The following NTRK2 variants were observed in gnomAD, a reference collection of about 807,000 sequenced individuals.
NTRK2 encodes the protein BDNF/NT-3 growth factors receptor.
NTRK2 carries 13 observed loss-of-function variants against 94.5 expected under a neutral mutation model. That is an observed-to-expected ratio of 0.14 (90% CI 0.09 to 0.22). The LOEUF (loss-of-function observed/expected upper bound fraction) is 0.22, where lower values mean the gene tolerates loss of function less well. NTRK2 is among the 10% of genes least tolerant of loss of function. NTRK2 has a pLI of 1.00. For missense variants in NTRK2, 639 were observed against 1,071.2 expected, an observed-to-expected ratio of 0.60 and a Z score of 5.63; for synonymous variants, 372 against 407.4, an observed-to-expected ratio of 0.91 and a Z score of 1.05.
chr9:84,820,015 C>A (rs1016224389), intron 12 of NTRK2, among the ~76,000 whole-genome samples: 1 of 152,094 alleles, frequency 6.6e-6, no homozygotes, highest in South Asian at 2.1e-4. Context: ...TCTTCCAACT[C>A]CAGTAAATAT....
Position 84,795,958 on chromosome 9 carries a change from C to CT in NTRK2, c.1396+43887dup, listed in dbSNP as rs970690802. ...TGTCACTTCAAAGCTGATTACTTTTCTTTTTTTTTTTTTTGGTAGTAGCTA... is the reference window on the plus strand; with the variant it reads ...TGTCACTTCAAAGCTGATTACTTTTCTTTTTTTTTTTTTTTGGTAGTAGCTA... On this transcript the variant is annotated intron_variant, in intron 12 of 18. Coordinates refer to ENST00000277120, the MANE Select transcript of NTRK2 (RefSeq NM_006180.6). Among the ~76,000 whole-genome samples, 1,194 of 140,332 alleles carry CT rather than the reference C, an allele frequency of 8.5e-3. 13 individuals are homozygous for CT. Among genetic ancestry groups the CT allele is most frequent in the Non-Finnish European group, 7.6e-3 (487 of 63,802 alleles). 92.1% of individuals were successfully genotyped at this position (140,332 alleles called of 152,430 possible). A position where few individuals can be genotyped will look rare whatever the true frequency, so the allele number is the denominator to read the frequency against.
At chr9:84,909,996 T>TC (rs1381957578) in intron 14 of NTRK2, among the ~76,000 whole-genome samples, 19 of 152,336 alleles carry the variant, frequency 1.2e-4, no homozygotes, top group African/African-American at 4.3e-4. Context: ...AGTCTAGGAA[T>TC]ACTGTGCTTG....
intron 17 of NTRK2, among the ~76,000 whole-genome samples, chr9:85,009,044 A>G (rs893915462): frequency 6.6e-6 from 1 of 152,218 alleles, no homozygotes; most frequent in Non-Finnish European, 1.5e-5. Flanking sequence ...CTAGTTGGCA[A>G]GTGGCTGATC....
chr9:84,881,038 G>A (rs552273294), intron 14 of NTRK2, among the ~76,000 whole-genome samples: 18 of 152,358 alleles, frequency 1.2e-4, no homozygotes, highest in Non-Finnish European at 2.6e-4. Flanking sequence ...CTTTGGGGTG[G>A]AGATGCAGCC....
chr9:84,949,658 G>T (rs934167075), intron 16 of NTRK2, among the ~76,000 whole-genome samples: 1 of 152,038 alleles, frequency 6.6e-6, no homozygotes, highest in Non-Finnish European at 1.5e-5. Flanking sequence ...TAAAGACAGG[G>T]TTTTGCCATG....
chr9:84,984,802 T>C (rs1370474432), intron 17 of NTRK2, among the ~76,000 whole-genome samples: 2 of 152,258 alleles, frequency 1.3e-5, no homozygotes, highest in Admixed American at 6.5e-5. Context: ...TTGCCGCTAA[T>C]GTACTGTGTT....
At chr9:84,877,503 C>T in intron 14 of NTRK2, 1 of 1,066,492 alleles carries the variant, frequency 9.4e-7, no homozygotes, top group Non-Finnish European at 1.1e-6. Context: ...GTGATTCTCT[C>T]TGTAAGCTCC....
intron 15 of NTRK2, among the ~76,000 whole-genome samples, chr9:84,940,384 A>G (rs2078366477): frequency 6.6e-6 from 1 of 151,936 alleles, no homozygotes; most frequent in Non-Finnish European, 1.5e-5. Context: ...ACATCAGGGA[A>G]TCTCCTTGGG....
At chr9:84,862,449 AT>A (rs765324443) in intron 13 of NTRK2, among the ~76,000 whole-genome samples, 2 of 151,988 alleles carry the variant, frequency 1.3e-5, no homozygotes, top group Non-Finnish European at 2.9e-5. Context: ...CCACTTAAAT[AT>A]TTTTCCAAGC....
chr9:84,754,028 C>CA (rs756900959), intron 12 of NTRK2, among the ~76,000 whole-genome samples: 8 of 152,268 alleles, frequency 5.3e-5, no homozygotes, highest in Non-Finnish European at 1.0e-4. Context: ...CATTTTCTTT[C>CA]AGAGAAGAAA....
chr9:84,997,912 T>A (rs1429728799), intron 17 of NTRK2, among the ~76,000 whole-genome samples: 3 of 152,154 alleles, frequency 2.0e-5, no homozygotes, highest in Non-Finnish European at 4.4e-5. Context: ...TGCCTGACTT[T>A]GAGACCATTG....
intron 15 of NTRK2, among the ~76,000 whole-genome samples, chr9:84,946,027 A>G (rs1484199705): frequency 6.6e-6 from 1 of 152,200 alleles, no homozygotes; most frequent in Non-Finnish European, 1.5e-5. Context: ...CCACAGGGAG[A>G]GAAGCACCGA....
chr9:84,710,741 A>T lies in NTRK2; in HGVS notation c.533A>T (p.Asn178Ile). 1 of 1,614,206 alleles carries T rather than the reference A, an allele frequency of 6.2e-7. No individual in the cohort carries two copies. ...SPDTQDLYCL[N>I]ESSKNIPLAN... ...GACACTCAGGATTTGTACTGCCTGA[A>T]TGAAAGCAGCAAGAATATTCCCCTG... The change falls in exon 6 of 19, where the codon AAT becomes ATT. Residue 178 changes from asparagine (N) to isoleucine (I), a missense_variant. Around this residue, in one of 5 missense-constraint regions of NTRK2, gnomAD observed 206 missense variants for 251.5 expected, o/e 0.82. Coordinates refer to ENST00000277120, the MANE Select transcript of NTRK2 (RefSeq NM_006180.6).
At chr9:84,737,444 T>C (rs1162369221) in intron 9 of NTRK2, among the ~76,000 whole-genome samples, 1 of 152,188 alleles carries the variant, frequency 6.6e-6, no homozygotes, top group Non-Finnish European at 1.5e-5. Context: ...TTATTTTGCA[T>C]GGAATTAGGA....
rs2118100698 is a variant in NTRK2 at position 85,024,788 on chromosome 9, C to A, written c.*3351C>A. The A allele has an allele frequency of 4.3e-6, 1 of 233,026 alleles. No homozygotes were observed. Among genetic ancestry groups the A allele is most frequent in the African/African-American group, 2.2e-5 (1 of 45,436 alleles). 14.4% of individuals were successfully genotyped at this position (233,026 alleles called of 1,614,324 possible). A position where few individuals can be genotyped will look rare whatever the true frequency, so the allele number is the denominator to read the frequency against. ...TTCAGCTAAATTCTTGTACACTGAA[C>A]CAATGTCATAATCAGGCTTATTTAG... is the stretch of plus-strand genomic sequence containing the variant. On this transcript the variant is annotated 3_prime_UTR_variant, in exon 19 of 19. Coordinates refer to ENST00000277120, the MANE Select transcript of NTRK2 (RefSeq NM_006180.6).
chr9:84,966,425 T>TTTTG (rs758788708), intron 17 of NTRK2, among the ~76,000 whole-genome samples: 10 of 151,230 alleles, frequency 6.6e-5, no homozygotes, highest in African/African-American at 9.7e-5. Context: ...AGAGCTATGT[T>TTTTG]TTTGTTTGTT....
intron 17 of NTRK2, among the ~76,000 whole-genome samples, chr9:85,009,080 C>T (rs1004204299): frequency 3.9e-5 from 6 of 152,222 alleles, no homozygotes; most frequent in Non-Finnish European, 8.8e-5. Flanking sequence ...CGTCTGTAGA[C>T]TTCAAAGCTC....
chr9:84,710,598 A>C, intron 5 of NTRK2, 39 bp from the exon 6 acceptor site: 1 of 1,613,042 alleles, frequency 6.2e-7, no homozygotes, highest in South Asian at 1.1e-5. Flanking sequence ...CTAAAATGGA[A>C]AAAGGAACTT....
At chr9:84,770,817 T>C (rs1325517156) in intron 12 of NTRK2, among the ~76,000 whole-genome samples, 1 of 152,226 alleles carries the variant, frequency 6.6e-6, no homozygotes, top group African/African-American at 2.4e-5. Context: ...AATTTATTAA[T>C]GTGCCCAAGT....
Sources: gnomAD v4.1 joint callset for allele counts (sites outside exome capture counted in the v4.1 genomes callset) on GRCh38, gnomAD v4.1.1 for gene constraint, gnomAD v4.1.1 regional missense constraint, MANE v1.5 for transcripts, NCBI Gene and HGNC (gene_info 2026-07-23, HGNC 2026-07-21) for gene names.